Variants in KIAA1549L observed in about 807,000 individuals in gnomAD.
KIAA1549L encodes the protein KIAA1549 like, also known as UPF0606 protein KIAA1549L.
A neutral mutation model predicts 160.7 loss-of-function variants in KIAA1549L; 88 were observed. The observed-to-expected ratio is 0.55, with a 90% confidence interval of 0.46 to 0.65. The LOEUF (loss-of-function observed/expected upper bound fraction) is 0.65, where lower values mean the gene tolerates loss of function less well. Among genes scored for constraint, KIAA1549L ranks in the 30% least tolerant of loss-of-function variants. The probability of loss-of-function intolerance (pLI) is 0.00; values close to 1 mark genes in which losing one functional copy is unlikely to be tolerated. For missense variants in KIAA1549L, 2,258 were observed against 2,437.5 expected (o/e 0.93, Z 1.55); for synonymous variants, 950 against 976.7 (o/e 0.97, Z 0.51).
At chr11:33,596,985 A>G (rs1850218587) in intron 12 of KIAA1549L, among the ~76,000 whole-genome samples, 1 of 152,192 alleles carries the variant, frequency 6.6e-6, no homozygotes, top group African/African-American at 2.4e-5. Context: ...CATATATTCA[A>G]CAAGTTAGTA....
intron 1 of KIAA1549L, among the ~76,000 whole-genome samples, chr11:33,384,402 A>G (rs1850131737): frequency 6.6e-6 from 1 of 152,178 alleles, no homozygotes; most frequent in Non-Finnish European, 1.5e-5. Flanking sequence ...TTTCCAGTTT[A>G]TGACATGGAA....
At chr11:33,618,789 C>T (rs986531997) in intron 16 of KIAA1549L, 127 bp downstream of exon 16, 3 of 974,960 alleles carry the variant, frequency 3.1e-6, no homozygotes, top group Non-Finnish European at 4.3e-6. Context: ...AAAATGTTTT[C>T]TATTTTTTTA....
At chr11:33,502,004 T>C (rs1210226189) in intron 1 of KIAA1549L, among the ~76,000 whole-genome samples, 3 of 152,070 alleles carry the variant, frequency 2.0e-5, no homozygotes, top group Non-Finnish European at 2.9e-5. Context: ...GAGGAAAGAA[T>C]GAGGGAAGCA....
intron 1 of KIAA1549L, among the ~76,000 whole-genome samples, chr11:33,390,221 C>T (rs1850247444): frequency 2.6e-5 from 4 of 152,132 alleles, no homozygotes. Context: ...CCAGGCAGTT[C>T]GATTCCAGAG....
intron 15 of KIAA1549L, 85 bp from the exon 16 acceptor site, chr11:33,618,448 A>T: frequency 7.8e-7 from 1 of 1,284,748 alleles, no homozygotes. Flanking sequence ...CAAACCCTTC[A>T]TTGGTTGCCT....
At chr11:33,600,922 G>A (rs974914518) in intron 13 of KIAA1549L, among the ~76,000 whole-genome samples, 1 of 152,060 alleles carries the variant, frequency 6.6e-6, no homozygotes, top group African/African-American at 2.4e-5. Context: ...AGTGGGGCTG[G>A]TTCCTGACCC....
chr11:33,462,411 T>C (rs1851959075), intron 1 of KIAA1549L, among the ~76,000 whole-genome samples: 1 of 152,242 alleles, frequency 6.6e-6, no homozygotes, highest in Admixed American at 6.5e-5. Flanking sequence ...ATACCCATTA[T>C]GCAATATCTG....
intron 1 of KIAA1549L, among the ~76,000 whole-genome samples, chr11:33,502,547 G>A (rs1357555508): frequency 6.6e-6 from 1 of 152,176 alleles, no homozygotes; most frequent in African/African-American, 2.4e-5. Flanking sequence ...TGGAGTTTCA[G>A]TGTTTTATTT....
intron 1 of KIAA1549L, among the ~76,000 whole-genome samples, chr11:33,534,958 C>T (rs370497840): frequency 6.6e-6 from 1 of 152,158 alleles, no homozygotes. Context: ...TGGCTTAAAA[C>T]AACATACATT....
At chr11:33,567,035 A>G (rs1855071317) in intron 8 of KIAA1549L, among the ~76,000 whole-genome samples, 1 of 152,206 alleles carries the variant, frequency 6.6e-6, no homozygotes, top group Non-Finnish European at 1.5e-5. Flanking sequence ...CTTTGAGGGT[A>G]GACAGAAAAA....
chr11:33,407,540 G>C (rs1345890169), intron 1 of KIAA1549L, among the ~76,000 whole-genome samples: 2 of 151,982 alleles, frequency 1.3e-5, no homozygotes, highest in African/African-American at 4.8e-5. Context: ...GTAGAGACGG[G>C]GTTTCACCGT....
At position 33,560,010 on chromosome 11, in the gene KIAA1549L, A is replaced by G. The variant is rs565290499; in HGVS notation, c.4018+99A>G. On this transcript the variant is annotated intron_variant, in intron 7 of 20. Coordinates refer to ENST00000658780, the MANE Select transcript of KIAA1549L (RefSeq NM_012194.3). ...TGCCAGGCCACATACTACCACCTTT[A>G]TCATAAAGTGACAGCTAAAATATGT... 1.6e-5 allele frequency: 17 copies of G among 1,077,504 alleles called. No individual in the cohort carries two copies. The East Asian group carries it at 4.1e-4, about 26-fold the overall frequency. The allele number at this position is 1,077,504 out of a possible 1,614,324, so 66.7% of individuals were successfully genotyped here.
chr11:33,473,941 C>G (rs1051304298), intron 1 of KIAA1549L, among the ~76,000 whole-genome samples: 6 of 152,144 alleles, frequency 3.9e-5, no homozygotes, highest in Admixed American at 6.6e-5. Flanking sequence ...GCGGGCTGTA[C>G]AAGCATGGCT....
At chr11:33,378,926 T>C (rs1400503149) in intron 1 of KIAA1549L, among the ~76,000 whole-genome samples, 1 of 152,164 alleles carries the variant, frequency 6.6e-6, no homozygotes, top group Non-Finnish European at 1.5e-5. Flanking sequence ...AAGGGGTTTG[T>C]GGGAAGAAGT....
chr11:33,461,843 GA>G (rs1372380536), intron 1 of KIAA1549L, among the ~76,000 whole-genome samples: 1 of 152,164 alleles, frequency 6.6e-6, no homozygotes, highest in Admixed American at 6.5e-5. Flanking sequence ...GCTTGTCTAG[GA>G]TCACCCAGCT....
At position 33,668,181 on chromosome 11, in the gene KIAA1549L, T is replaced by C; in HGVS notation, c.*27T>C. On this transcript the variant is annotated 3_prime_UTR_variant, in exon 21 of 21. Coordinates refer to ENST00000658780, the MANE Select transcript of KIAA1549L (RefSeq NM_012194.3). ...GCCTTAGCCCCGTGGGACTCTGGAC[T>C]TCCAAACTCTGAGGACTCAGCCTTT... 1 of 1,598,128 alleles carries C rather than the reference T, an allele frequency of 6.3e-7. No individual in the cohort carries two copies. The highest frequency in any genetic ancestry group is 8.5e-7 in the Non-Finnish European group (1 of 1,170,802).
intron 1 of KIAA1549L, among the ~76,000 whole-genome samples, chr11:33,540,268 T>G (rs887151307): frequency 7.2e-5 from 11 of 152,212 alleles, no homozygotes; most frequent in Admixed American, 6.5e-4. Context: ...AAGATGAATT[T>G]GTTTTGATTC....
chr11:33,544,879 C>CAGCA lies in KIAA1549L; in HGVS notation c.2887_2890dup (p.Ser964LysfsTer12). 1 of 1,613,566 alleles carries CAGCA rather than the reference C, an allele frequency of 6.2e-7. No individual in the cohort carries two copies. The highest frequency in any genetic ancestry group is 8.5e-7 in the Non-Finnish European group (1 of 1,179,676). On this transcript the variant is annotated frameshift_variant, in exon 3 of 21. Transcript: ENST00000658780. LOFTEE classifies it high-confidence loss of function. ...CAGCCCTGGTTGCTAAGGGCACCAG[C>CAGCA]AGCAGCCCTTTGGCCGTGGCCTCAG...
rs1166303927 is a variant in KIAA1549L at position 33,543,876 on chromosome 11, G to A, written c.2313G>A (p.Gly771=). ...DTAGHSVTAE[G]FSIQDLVLGT... ...CTGGGCATTCAGTGACTGCAGAAGG[G>A]TTTAGTATTCAGGATCTAGTCCTCG... is the stretch of plus-strand genomic sequence containing the variant. Residue 771 remains glycine (G), a synonymous_variant, in exon 2 of 21, where the codon GGG becomes GGA. Transcript: ENST00000658780. 2 of 1,614,050 alleles carry A rather than the reference G, an allele frequency of 1.2e-6. No homozygotes were observed. The highest frequency in any genetic ancestry group is 1.7e-5 in the Admixed American group (1 of 60,028).
Sources: allele counts gnomAD v4.1 joint callset (sites outside exome capture counted in the v4.1 genomes callset), GRCh38; gene constraint gnomAD v4.1.1; transcripts MANE v1.5; gene names NCBI Gene and HGNC (gene_info 2026-07-23, HGNC 2026-07-21).